Variants in SIRT4 observed in about 807,000 individuals in gnomAD.
SIRT4 encodes the protein NAD-dependent protein lipoamidase sirtuin-4, mitochondrial.
Under a neutral mutation model 26.1 loss-of-function variants are expected in SIRT4, and 23 were observed. That is an observed-to-expected ratio of 0.88 (90% CI 0.63 to 1.25). SIRT4 has a LOEUF of 1.25. Among genes scored for constraint, SIRT4 ranks in the 50% most tolerant of loss-of-function variants. The probability of loss-of-function intolerance (pLI) is 0.00; values close to 1 mark genes in which losing one functional copy is unlikely to be tolerated. For synonymous variants in SIRT4, 155 were observed against 158.4 expected, an observed-to-expected ratio of 0.98 and a Z score of 0.16; for missense variants, 361 against 405.4, an observed-to-expected ratio of 0.89 and a Z score of 0.94.
chr12:120,312,969 A>C lies in SIRT4; in HGVS notation c.878A>C (p.Asp293Ala). Residue 293 changes from aspartate to alanine, a missense_variant, in exon 4 of 4, where the codon GAT (aspartate) becomes GCT (alanine). Coordinates refer to ENST00000202967, the MANE Select transcript of SIRT4 (RefSeq NM_012240.3). Reference sequence around the variant, plus strand: ...CTGAACATTGGGCCCACACGGTCGGATGACTTGGCGTGTCTGAAACTGAAT... The same window carrying C: ...CTGAACATTGGGCCCACACGGTCGGCTGACTTGGCGTGTCTGAAACTGAAT... ...AILNIGPTRS[D>A]DLACLKLNSR... 6.2e-7 allele frequency: 1 copy of C among 1,614,126 alleles called. No individual in the cohort carries two copies. Among genetic ancestry groups the C allele is most frequent in the Non-Finnish European group, 8.5e-7 (1 of 1,180,036 alleles).
At chr12:120,297,269 AAAAT>A in the SIRT4 span, among the ~76,000 whole-genome samples, 2 of 149,852 alleles carry the variant, frequency 1.3e-5, no homozygotes, top group East Asian at 3.9e-4. Flanking sequence ...TACATAAAAT[AAAAT>A]AAATAAATAA....
At chr12:120,296,918 G>T in the SIRT4 span, among the ~76,000 whole-genome samples, 1 of 152,046 alleles carries the variant, frequency 6.6e-6, no homozygotes, top group Non-Finnish European at 1.5e-5. Flanking sequence ...ATTCTGGATG[G>T]GGTGGAGTTG....
chr12:120,311,350 C>T (rs955134024), intron 2 of SIRT4, among the ~76,000 whole-genome samples: 3 of 143,960 alleles, frequency 2.1e-5, no homozygotes, highest in African/African-American at 5.1e-5. Context: ...AGTGAAACTC[C>T]GTCTCAAAAA....
intron 2 of SIRT4, among the ~76,000 whole-genome samples, chr12:120,307,068 G>A (rs1314569542): frequency 6.6e-6 from 1 of 152,180 alleles, no homozygotes; most frequent in Admixed American, 6.6e-5. Context: ...GCCCTAGAGA[G>A]GCTCCTCTGA....
intron 3 of SIRT4, 60 bp downstream of exon 3, chr12:120,312,810 A>C: frequency 2.5e-6 from 4 of 1,607,032 alleles, no homozygotes; most frequent in Non-Finnish European, 3.4e-6. Context: ...TCCTGGAGAG[A>C]CACCCTGTTT....
intron 2 of SIRT4, among the ~76,000 whole-genome samples, chr12:120,304,833 ATATTTTTTT>A (rs1399839338): frequency 2.7e-3 from 22 of 8,214 alleles, no homozygotes; most frequent in African/African-American, 5.2e-3. Context: ...ATATATATAT[ATATTTTTTT>A]TTTTTTTTTT....
upstream of SIRT4, among the ~76,000 whole-genome samples, chr12:120,298,485 A>G (rs960979430): frequency 2.6e-5 from 4 of 151,520 alleles, no homozygotes; most frequent in African/African-American, 9.7e-5. Flanking sequence ...CCAGCTACTC[A>G]GGAGGCTGAG....
rs746601591 is a variant in SIRT4 at position 120,304,044 on chromosome 12, C to T, written c.483C>T (p.His161=). ...GGAGTCGGCGCCTGACAGAGCTCCA[C>T]GGATGCATGGACAGGTGCAGGAGCT... ...KAGSRRLTEL[H]GCMDRVLCLD... The change falls in exon 2 of 4, where the codon CAC becomes CAT. Residue 161 remains histidine, a synonymous_variant. Coordinates refer to ENST00000202967, the MANE Select transcript of SIRT4 (RefSeq NM_012240.3). 9.3e-6 allele frequency: 15 copies of T among 1,607,882 alleles called. No individual in the cohort carries two copies. In the Admixed American group the frequency reaches 1.5e-4, roughly 16 times the overall value.
intron 2 of SIRT4, among the ~76,000 whole-genome samples, chr12:120,306,415 C>T (rs1350843757): frequency 2.0e-5 from 3 of 151,364 alleles, no homozygotes; most frequent in Admixed American, 6.6e-5. Context: ...GCGGAGGTTG[C>T]GGTGAGCCGA....
At chr12:120,297,280 A>C in the SIRT4 span, among the ~76,000 whole-genome samples, 4 of 150,496 alleles carry the variant, frequency 2.7e-5, no homozygotes, top group African/African-American at 9.8e-5. Flanking sequence ...AAATAAATAA[A>C]TAATGGGGCT....
chr12:120,301,338 C>T (rs549642110), upstream of SIRT4, among the ~76,000 whole-genome samples: 1 of 149,044 alleles, frequency 6.7e-6, no homozygotes, highest in African/African-American at 2.4e-5. Context: ...GAGCGAGACT[C>T]CGTCTCAAAA....
the SIRT4 span, among the ~76,000 whole-genome samples, chr12:120,292,103 G>T: frequency 1.3e-5 from 2 of 152,168 alleles, no homozygotes; most frequent in Non-Finnish European, 1.5e-5. Context: ...AAGAATATTC[G>T]CTTGGGACGC....
chr12:120,308,409 G>A (rs558141563), intron 2 of SIRT4, among the ~76,000 whole-genome samples: 14 of 152,004 alleles, frequency 9.2e-5, no homozygotes, highest in African/African-American at 2.4e-4. Flanking sequence ...TCCTGACCTC[G>A]TGATCCGCCT....
chr12:120,301,099 T>C (rs138194145), upstream of SIRT4, among the ~76,000 whole-genome samples: 1,663 of 152,216 alleles, frequency 0.011, 11 homozygotes, highest in Non-Finnish European at 0.017. Context: ...GTAATCCCAG[T>C]ACTTTGGGAG....
chr12:120,293,201 G>T, the SIRT4 span: 36 of 152,258 alleles, frequency 2.4e-4, no homozygotes, highest in African/African-American at 7.2e-4. Flanking sequence ...GCCTCGGATA[G>T]ACCTCATTGG....
At chr12:120,297,187 C>T in the SIRT4 span, among the ~76,000 whole-genome samples, 10 of 152,144 alleles carry the variant, frequency 6.6e-5, no homozygotes, top group East Asian at 1.9e-3. Context: ...TGCGCCACTG[C>T]ACTCCAGCCT....
chr12:120,293,157 G>T, the SIRT4 span: 21 of 152,272 alleles, frequency 1.4e-4, no homozygotes, highest in Admixed American at 8.5e-4. Flanking sequence ...TCACGGCGGG[G>T]TATTGGGAAA....
chr12:120,305,350 A>G (rs2136832702), intron 2 of SIRT4, among the ~76,000 whole-genome samples: 1 of 152,078 alleles, frequency 6.6e-6, no homozygotes, highest in South Asian at 2.1e-4. Flanking sequence ...TCTTGGGCTC[A>G]AGTGATCCTT....
chr12:120,293,514 A>G, the SIRT4 span, among the ~76,000 whole-genome samples: 1 of 152,226 alleles, frequency 6.6e-6, no homozygotes, highest in Non-Finnish European at 1.5e-5. Flanking sequence ...AGGGATCAAA[A>G]TCAGGGTTCT....
Sources: gnomAD v4.1 joint callset for allele counts (sites outside exome capture counted in the v4.1 genomes callset) on GRCh38, gnomAD v4.1.1 for gene constraint, MANE v1.5 for transcripts, NCBI Gene and HGNC (gene_info 2026-07-23, HGNC 2026-07-21) for gene names.